NRXN1: variants seen among roughly 807,000 people sequenced by gnomAD.
NRXN1 encodes neurexin 1.
Under a neutral mutation model 150.9 loss-of-function variants are expected in NRXN1, and 39 were observed. The observed-to-expected ratio is 0.26, with a 90% confidence interval of 0.20 to 0.34. NRXN1 has a LOEUF of 0.34. Among genes scored for constraint, NRXN1 ranks in the 10% least tolerant of loss-of-function variants. The pLI, the probability that NRXN1 is intolerant of heterozygous loss-of-function variation, is 1.00. For synonymous variants in NRXN1, 924 were observed against 757.0 expected, an observed-to-expected ratio of 1.22 and a Z score of -3.62; for missense variants, 1,815 against 1,949.9, an observed-to-expected ratio of 0.93 and a Z score of 1.30.
intron 5 of NRXN1, among the ~76,000 whole-genome samples, chr2:50,647,738 T>G (rs1685025437): frequency 6.6e-6 from 1 of 151,958 alleles, no homozygotes; most frequent in African/African-American, 2.4e-5. Flanking sequence ...GGAAAGTTTG[T>G]AAATAATTAA....
intron 17 of NRXN1, among the ~76,000 whole-genome samples, chr2:50,301,364 G>A (rs989065198): frequency 2.0e-5 from 3 of 152,122 alleles, no homozygotes; most frequent in African/African-American, 7.2e-5. Flanking sequence ...AGGTTATATG[G>A]TTGATCCAGG....
At chr2:51,001,437 T>C (rs1273581365) in intron 2 of NRXN1, among the ~76,000 whole-genome samples, 1 of 151,944 alleles carries the variant, frequency 6.6e-6, no homozygotes, top group East Asian at 2.0e-4. Context: ...GTTAATTTCA[T>C]TATTGCACTA....
At chr2:50,055,304 G>C (rs767721716) in intron 19 of NRXN1, among the ~76,000 whole-genome samples, 2 of 152,124 alleles carry the variant, frequency 1.3e-5, no homozygotes, top group African/African-American at 2.4e-5. Context: ...GTTATAGACA[G>C]ACCCGAACAA....
At chr2:50,079,838 C>A (rs1336703202) in intron 19 of NRXN1, among the ~76,000 whole-genome samples, 1 of 151,956 alleles carries the variant, frequency 6.6e-6, no homozygotes, top group African/African-American at 2.4e-5. Context: ...CATGCAAAGG[C>A]CTTTATTAAC....
rs1387184807 is a variant in NRXN1 at position 50,801,714 on chromosome 2, ATATTTGTAT to A, written c.832+120146_832+120154del. On this transcript the variant is annotated intron_variant, in intron 5 of 22. Transcript: ENST00000401669. ...AGAATCTAGTTTTTGTATAATATTT[ATATTTGTAT>A]TTTCATTATTTCAAGGCTGGGTTTG... Among the ~76,000 whole-genome samples, 3 of 152,042 alleles carry A rather than the reference ATATTTGTAT, an allele frequency of 2.0e-5. No individual in the cohort carries two copies. In the East Asian group the frequency reaches 5.9e-4, roughly 30 times the overall value.
intron 2 of NRXN1, among the ~76,000 whole-genome samples, chr2:50,999,545 C>T (rs1699770303): frequency 6.6e-6 from 1 of 152,000 alleles, no homozygotes; most frequent in African/African-American, 2.4e-5. Context: ...TGATGTCTCC[C>T]CCAGGCACCC....
At chr2:50,192,455 G>T (rs2061503290) in intron 18 of NRXN1, among the ~76,000 whole-genome samples, 1 of 152,058 alleles carries the variant, frequency 6.6e-6, no homozygotes, top group African/African-American at 2.4e-5. Flanking sequence ...TGATGATAAA[G>T]ATATACAATT....
intron 21 of NRXN1, among the ~76,000 whole-genome samples, chr2:49,965,356 TC>T (rs1676775373): frequency 6.6e-6 from 1 of 152,070 alleles, no homozygotes; most frequent in African/African-American, 2.4e-5. Flanking sequence ...AACCTCCGCC[TC>T]CCAAGTTCAA....
At chr2:50,872,013 A>G (rs1677849502) in intron 5 of NRXN1, among the ~76,000 whole-genome samples, 1 of 151,878 alleles carries the variant, frequency 6.6e-6, no homozygotes. Flanking sequence ...TGAAATATTT[A>G]GAGAAAGTGT....
intron 17 of NRXN1, among the ~76,000 whole-genome samples, chr2:50,402,332 A>G (rs1342128349): frequency 1.3e-5 from 2 of 152,078 alleles, no homozygotes; most frequent in South Asian, 2.1e-4. Context: ...TACATCAGCT[A>G]TAATTTTTTC....
chr2:50,859,436 G>A (rs1272447129), intron 5 of NRXN1, among the ~76,000 whole-genome samples: 3 of 151,942 alleles, frequency 2.0e-5, no homozygotes, highest in Non-Finnish European at 4.4e-5. Context: ...GTTATTTCTA[G>A]GAGAAGTAAG....
At chr2:50,600,012 C>G (rs2103930151) in intron 8 of NRXN1, among the ~76,000 whole-genome samples, 1 of 152,088 alleles carries the variant, frequency 6.6e-6, no homozygotes, top group Admixed American at 6.5e-5. Flanking sequence ...ATATATTAAA[C>G]TACCCAGAGT....
At chr2:50,736,114 C>A (rs1345753305) in intron 5 of NRXN1, among the ~76,000 whole-genome samples, 4 of 152,120 alleles carry the variant, frequency 2.6e-5, no homozygotes, top group Non-Finnish European at 4.4e-5. Context: ...ATTTCAACCC[C>A]CCTGCTTCCC....
Position 50,840,032 on chromosome 2 carries a change from A to G in NRXN1, c.832+81837T>C, listed in dbSNP as rs955546419. On this transcript the variant is annotated intron_variant, in intron 5 of 22. Coordinates refer to ENST00000401669, the MANE Select transcript of NRXN1 (RefSeq NM_001330078.2). ...AATAAATAAGAGGACACTGATTCCC[A>G]GTGTACCCAGGATGGTCCTACTTTT... 6.0e-4 allele frequency among the ~76,000 whole-genome samples: 92 copies of G among 152,248 alleles called. 1 individual carries two copies. Among genetic ancestry groups the G allele is most frequent in the Non-Finnish European group, 8.8e-5 (6 of 67,998 alleles).
chr2:50,894,013 T>C (rs941637451), intron 5 of NRXN1, among the ~76,000 whole-genome samples: 19 of 152,086 alleles, frequency 1.2e-4, no homozygotes, highest in South Asian at 4.2e-4. Flanking sequence ...TGTTGGACAT[T>C]TGGGTTGGTT....
intron 17 of NRXN1, among the ~76,000 whole-genome samples, chr2:50,452,699 G>T (rs1018509397): frequency 6.6e-6 from 1 of 152,178 alleles, no homozygotes. Context: ...AATGTCATGT[G>T]AAGAATATGT....
chr2:50,284,689 C>T (rs1296091577), intron 17 of NRXN1, among the ~76,000 whole-genome samples: 2 of 152,132 alleles, frequency 1.3e-5, no homozygotes. Flanking sequence ...GTAGAAAAAT[C>T]AGTGGGGCTA....
chr2:50,093,351 C>T (rs1253373155), intron 18 of NRXN1, among the ~76,000 whole-genome samples: 1 of 151,084 alleles, frequency 6.6e-6, no homozygotes, highest in East Asian at 1.9e-4. Flanking sequence ...AGTGATGGCA[C>T]ACATGTATAA....
intron 17 of NRXN1, among the ~76,000 whole-genome samples, chr2:50,390,395 G>T (rs958552299): frequency 1.3e-5 from 2 of 152,088 alleles, no homozygotes; most frequent in Admixed American, 1.3e-4. Context: ...TTTAAGAGAA[G>T]ATCTTTTTGT....
Sources: allele counts gnomAD v4.1 joint callset (sites outside exome capture counted in the v4.1 genomes callset), GRCh38; gene constraint gnomAD v4.1.1; transcripts MANE v1.5; gene names NCBI Gene and HGNC (gene_info 2026-07-23, HGNC 2026-07-21).